Variants in SPTLC1 observed in about 807,000 individuals in gnomAD.
SPTLC1 encodes the protein serine palmitoyltransferase long chain base subunit 1.
In SPTLC1, 55 loss-of-function variants were observed where a neutral mutation model predicts 68.9. The ratio of observed to expected loss-of-function variants is 0.80; its 90% CI spans 0.64 to 1.00. The LOEUF is 1.00. Ranked by LOEUF, SPTLC1 falls within the 50% of genes least tolerant of loss-of-function variation. SPTLC1 has a pLI of 0.00. For synonymous variants in SPTLC1, 197 were observed against 201.6 expected (o/e 0.98, Z 0.19); for missense variants, 449 against 573.1 (o/e 0.78, Z 2.21).
intron 6 of SPTLC1, among the ~76,000 whole-genome samples, chr9:92,066,403 C>T (rs1834285273): frequency 6.6e-6 from 1 of 152,092 alleles, no homozygotes; most frequent in African/African-American, 2.4e-5. Flanking sequence ...GTGGGACGGC[C>T]TCCCTGCAGA....
chr9:92,047,096 T>G (rs1833541053), intron 11 of SPTLC1, 76 bp downstream of exon 11: 1 of 1,246,428 alleles, frequency 8.0e-7, no homozygotes. Flanking sequence ...AAATAATTTC[T>G]CCAGTAAGTA....
At chr9:92,094,479 G>A (rs1285954781) in intron 3 of SPTLC1, among the ~76,000 whole-genome samples, 1 of 152,182 alleles carries the variant, frequency 6.6e-6, no homozygotes, top group Non-Finnish European at 1.5e-5. Flanking sequence ...CTTTAACTGA[G>A]TTCTGTCCCT....
intron 5 of SPTLC1, among the ~76,000 whole-genome samples, chr9:92,074,060 G>A (rs1309620508): frequency 6.6e-6 from 1 of 151,856 alleles, no homozygotes; most frequent in Non-Finnish European, 1.5e-5. Flanking sequence ...CTCCTTCCCA[G>A]ATCTCCTCGG....
intron 12 of SPTLC1, among the ~76,000 whole-genome samples, chr9:92,044,856 G>C (rs991381212): frequency 3.9e-5 from 6 of 152,224 alleles, no homozygotes; most frequent in African/African-American, 7.2e-5. Context: ...GGGGAGTGAA[G>C]ACAGAGGATT....
chr9:92,113,131 A>G (rs1836307720), intron 1 of SPTLC1, among the ~76,000 whole-genome samples: 4 of 152,168 alleles, frequency 2.6e-5, no homozygotes. Context: ...AATAAAATCT[A>G]ACACAGAATC....
chr9:92,088,815 T>C (rs763586256), intron 3 of SPTLC1, among the ~76,000 whole-genome samples: 2 of 152,160 alleles, frequency 1.3e-5, no homozygotes, highest in African/African-American at 2.4e-5. Flanking sequence ...CTGTGCCCCA[T>C]GCAGGCTAGC....
chr9:92,084,905 G>A (rs927737001), intron 3 of SPTLC1, among the ~76,000 whole-genome samples: 1 of 152,158 alleles, frequency 6.6e-6, no homozygotes, highest in African/African-American at 2.4e-5. Context: ...ATTGATTATT[G>A]CCACAATTTC....
chr9:92,096,022 A>C (rs1835516413), intron 3 of SPTLC1, among the ~76,000 whole-genome samples: 2 of 152,212 alleles, frequency 1.3e-5, no homozygotes, highest in Non-Finnish European at 2.9e-5. Flanking sequence ...GAATGAGTGA[A>C]GGCAGGGGTG....
chr9:92,094,422 T>C (rs373947340), intron 3 of SPTLC1, among the ~76,000 whole-genome samples: 55 of 152,352 alleles, frequency 3.6e-4, no homozygotes, highest in African/African-American at 1.3e-3. Flanking sequence ...TACACTACAT[T>C]TGTACTTATG....
chr9:92,038,499 C>T, intron 12 of SPTLC1, 134 bp from the exon 13 acceptor site: 1 of 743,286 alleles, frequency 1.3e-6, no homozygotes. Context: ...TGGGAAGCAT[C>T]ATTCCAATTC....
Position 92,049,957 on chromosome 9 carries a change from T to TAG in SPTLC1, c.888+2_888+3insCT. 6.3e-7 allele frequency: 1 copy of TAG among 1,592,770 alleles called. No homozygotes were observed. The highest frequency in any genetic ancestry group is 8.6e-7 in the Non-Finnish European group (1 of 1,161,310). On this transcript the variant is annotated splice_region_variant and intron_variant, in intron 9 of 14. Coordinates refer to ENST00000262554, the MANE Select transcript of SPTLC1 (RefSeq NM_006415.4). ...GAAACGTTCTTAAAAAAGGGGAACTTACATTGATTCCATAGTGTTCAGTGA... is the reference window on the plus strand; with the variant it reads ...GAAACGTTCTTAAAAAAGGGGAACTTAGACATTGATTCCATAGTGTTCAGTGA...
At chr9:92,113,299 A>G (rs1255925632) in intron 1 of SPTLC1, among the ~76,000 whole-genome samples, 1 of 152,230 alleles carries the variant, frequency 6.6e-6, no homozygotes, top group Non-Finnish European at 1.5e-5. Context: ...CAATTCATTT[A>G]TGAATAAGTC....
intron 5 of SPTLC1, among the ~76,000 whole-genome samples, chr9:92,072,584 T>C (rs1834534778): frequency 6.6e-6 from 1 of 152,052 alleles, no homozygotes. Context: ...CCACCCTCCA[T>C]CTTCCCCACT....
chr9:92,084,577 C>G (rs1324306072), intron 3 of SPTLC1, among the ~76,000 whole-genome samples: 1 of 152,080 alleles, frequency 6.6e-6, no homozygotes, highest in East Asian at 1.9e-4. Context: ...AGCCTTGCAT[C>G]CCAGGGATGA....
chr9:92,054,307 C>T (rs538258966), intron 8 of SPTLC1, among the ~76,000 whole-genome samples: 1 of 152,002 alleles, frequency 6.6e-6, no homozygotes, highest in African/African-American at 2.4e-5. Context: ...CACAAAAAAA[C>T]AAAAAAGCAA....
At chr9:92,048,349 C>T (rs1833590623) in intron 9 of SPTLC1, among the ~76,000 whole-genome samples, 1 of 152,196 alleles carries the variant, frequency 6.6e-6, no homozygotes, top group African/African-American at 2.4e-5. Context: ...ACACAGTAGG[C>T]ATTCAATCAT....
At chr9:92,099,480 C>CT (rs201801428) in intron 3 of SPTLC1, among the ~76,000 whole-genome samples, 394 of 141,886 alleles carry the variant, frequency 2.8e-3, no homozygotes, top group East Asian at 5.7e-3. Flanking sequence ...TTTTACTGTA[C>CT]TTTTTTTTTT....
chr9:92,050,900 C>T, intron 8 of SPTLC1: 1 of 716,140 alleles, frequency 1.4e-6, no homozygotes, highest in African/African-American at 2.1e-5. Context: ...GCAGCCTTGA[C>T]CTCCTGGGCT....
At chr9:92,081,887 T>C (rs1178949703) in intron 3 of SPTLC1, among the ~76,000 whole-genome samples, 1 of 152,172 alleles carries the variant, frequency 6.6e-6, no homozygotes, top group Non-Finnish European at 1.5e-5. Context: ...TTTAACAGCA[T>C]TGGTCATCCT....
Sources: allele counts gnomAD v4.1 joint callset (sites outside exome capture counted in the v4.1 genomes callset), GRCh38; gene constraint gnomAD v4.1.1; transcripts MANE v1.5; gene names NCBI Gene and HGNC (gene_info 2026-07-23, HGNC 2026-07-21).